SERAC1: variants seen among roughly 807,000 people sequenced by gnomAD.
The protein encoded by SERAC1 is protein SERAC1.
Under a neutral mutation model 85.7 loss-of-function variants are expected in SERAC1, and 36 were observed. The observed-to-expected ratio is 0.42, with a 90% CI of 0.32 to 0.55. SERAC1 has a LOEUF of 0.55. Ranked by LOEUF, SERAC1 falls within the 20% of genes least tolerant of loss-of-function variation. The pLI is 0.11. For missense variants in SERAC1, 629 were observed against 796.2 expected (o/e 0.79, Z 2.53); for synonymous variants, 242 against 265.3 (o/e 0.91, Z 0.85).
rs1784385484 is a variant in SERAC1 at position 158,120,142 on chromosome 6, T to C, written c.1166+283A>G. 6.6e-6 allele frequency among the ~76,000 whole-genome samples: 1 copy of C among 152,200 alleles called. No homozygotes were observed. On this transcript the variant is annotated intron_variant, in intron 11 of 16. Transcript: ENST00000647468. This position sits in a 1 kb window ranked among gnomAD's most constrained non-coding sequence, Gnocchi z 4.4. ...AAAATGCCTTGAACCAAAGGAGATA[T>C]GTATTACAAAGTTTAAGTGTGACGC...
In SERAC1 at chr6:158,117,629, G is replaced by A; in HGVS notation, c.1403+98C>T. The A allele has an allele frequency of 1.3e-6, 2 of 1,589,288 alleles. No homozygotes were observed. The highest frequency in any genetic ancestry group is 8.6e-7 in the Non-Finnish European group (1 of 1,165,836). On this transcript the variant is annotated intron_variant, in intron 13 of 16. Transcript: ENST00000647468. This position sits in a 1 kb window ranked among gnomAD's most constrained non-coding sequence, Gnocchi z 4.3. ...TGTTCTTCATAAGAAAATCCTGTCT[G>A]TGGCATCAAAAAATTAAAATCACTT...
At chr6:158,160,936 G>C (rs1286773370) in intron 1 of SERAC1, 1 of 151,976 alleles carries the variant, frequency 6.6e-6, no homozygotes, top group Admixed American at 6.6e-5. Flanking sequence ...CCTTACTTTT[G>C]TTTCTTGCAT....
intron 2 of SERAC1, 88 bp downstream of exon 2, chr6:158,158,185 C>G (rs1785401849): frequency 2.1e-6 from 2 of 941,638 alleles, no homozygotes; most frequent in South Asian, 1.6e-5. Flanking sequence ...ATCATGGGTT[C>G]AAAAAGTTTT....
Position 158,144,353 on chromosome 6 carries a change from T to G in SERAC1, c.555A>C (p.Glu185Asp). 1 of 1,613,704 alleles carries G rather than the reference T, an allele frequency of 6.2e-7. No homozygotes were observed. The highest frequency in any genetic ancestry group is 1.1e-5 in the South Asian group (1 of 91,028). ...GGAGAAAAAAGCGAAGATCACTCTC[T>G]TCGCTTCGTGCCAAACCAATAAGAG... Reference protein sequence around the residue: ...PKTLIGLARSEESDLRFFLLP... With the variant: ...PKTLIGLARSDESDLRFFLLP... Residue 185 changes from glutamate (E) to aspartate (D), a missense_variant, in exon 7 of 17, where the codon GAA becomes GAC. Coordinates refer to ENST00000647468, the MANE Select transcript of SERAC1 (RefSeq NM_032861.4).
chr6:158,167,223 TAAAA>T (rs34350104), intron 1 of SERAC1, among the ~76,000 whole-genome samples: 1,685 of 101,810 alleles, frequency 0.017, 48 homozygotes, highest in African/African-American at 0.054. Context: ...CACACGATGT[TAAAA>T]AAAAAAAAAA....
intron 3 of SERAC1, among the ~76,000 whole-genome samples, chr6:158,151,624 G>A (rs1401528487): frequency 4.0e-5 from 6 of 151,864 alleles, no homozygotes; most frequent in Admixed American, 1.3e-4. Flanking sequence ...ATGGGGTTTC[G>A]CCATGTTAGC....
At position 158,111,224 on chromosome 6, in the gene SERAC1, G is replaced by T; in HGVS notation, c.*142C>A. ...TTACAGCGCTTGAAGGGAGAACAAT[G>T]TTCTGTAGTCTGCAACACACTCCAG... On this transcript the variant is annotated 3_prime_UTR_variant, in exon 17 of 17. Coordinates refer to ENST00000647468, the MANE Select transcript of SERAC1 (RefSeq NM_032861.4). 3 of 775,888 alleles carry T rather than the reference G, an allele frequency of 3.9e-6. No homozygotes were observed. Among genetic ancestry groups the T allele is most frequent in the Non-Finnish European group, 5.9e-6 (3 of 510,272 alleles). The allele number at this position is 775,888 out of a possible 1,614,324, so 48.1% of individuals were successfully genotyped here.
rs192726550 is a variant in SERAC1, at chr6:158,113,259, G to A, written c.1828+190C>T. 5.2e-5 allele frequency: 28 copies of A among 542,508 alleles called. No homozygotes were observed. The Admixed American group carries it at 6.8e-4, about 13-fold the overall frequency. The allele number at this position is 542,508 out of a possible 1,614,324, so 33.6% of individuals were successfully genotyped here. On this transcript the variant is annotated intron_variant, in intron 16 of 16. Coordinates refer to ENST00000647468, the MANE Select transcript of SERAC1 (RefSeq NM_032861.4). ...ATCAGTTACATAAAGGGCAGGGAGA[G>A]GTAATACCCGGGTTATATGTTTACA...
rs1380283050 is a variant in SERAC1 at position 158,167,266 on chromosome 6, C to A, written c.-2+874G>T. ...AAAAAAGGCAGCATGAGGTCGGGCG[C>A]GGTGGCTCACACCTGTAATCGCAGC... On this transcript the variant is annotated intron_variant, in intron 1 of 16. Coordinates refer to ENST00000647468, the MANE Select transcript of SERAC1 (RefSeq NM_032861.4). Among the ~76,000 whole-genome samples the A allele has an allele frequency of 4.2e-5, 6 of 141,304 alleles. No individual in the cohort carries two copies. The South Asian group carries it at 1.4e-3, about 32-fold the overall frequency. The allele number at this position is 141,304 out of a possible 152,430, so 92.7% of individuals were successfully genotyped here.
rs1562453894 is a variant in SERAC1, at chr6:158,148,366, A to G, written c.355+499T>C. ...TATTTTATCTCCATATTTATTCACA[A>G]TTACCTAAGGAAGGAAGAAAATTGT... On this transcript the variant is annotated intron_variant, in intron 5 of 16. Transcript: ENST00000647468. Among the ~76,000 whole-genome samples the G allele has an allele frequency of 2.0e-5, 3 of 152,210 alleles. No individual in the cohort carries two copies. The South Asian group carries it at 6.2e-4, about 32-fold the overall frequency.
intron 1 of SERAC1, among the ~76,000 whole-genome samples, chr6:158,164,234 G>A (rs945004470): frequency 5.3e-5 from 8 of 151,852 alleles, no homozygotes; most frequent in African/African-American, 1.9e-4. Flanking sequence ...CCAGCACTTT[G>A]GGAGGCCGAG....
At chr6:158,165,179 A>G (rs1785568501) in intron 1 of SERAC1, among the ~76,000 whole-genome samples, 1 of 151,516 alleles carries the variant, frequency 6.6e-6, no homozygotes, top group African/African-American at 2.4e-5. Flanking sequence ...TTTGAGACAG[A>G]GTCTCTCACT....
At chr6:158,158,428 C>G in intron 1 of SERAC1, 64 bp from the exon 2 acceptor site, 4 of 1,234,992 alleles carry the variant, frequency 3.2e-6, no homozygotes, top group Non-Finnish European at 4.7e-6. Context: ...CTTGTTTTAA[C>G]TACAAGAACA....
intron 12 of SERAC1, among the ~76,000 whole-genome samples, chr6:158,118,043 A>G (rs1784333568): frequency 6.6e-6 from 1 of 152,240 alleles, no homozygotes; most frequent in Admixed American, 6.5e-5. Flanking sequence ...TGAAGGTTTC[A>G]AGAGAATATT....
At chr6:158,115,046 C>CCAAA in intron 14 of SERAC1, 75 bp from the exon 15 acceptor site, 1 of 1,439,664 alleles carries the variant, frequency 6.9e-7, no homozygotes, top group Non-Finnish European at 9.4e-7. Context: ...AAAGAAAAGG[C>CCAAA]CAAACAAGAA....
At chr6:158,166,180 A>C (rs1785593790) in intron 1 of SERAC1, 1 of 152,230 alleles carries the variant, frequency 6.6e-6, no homozygotes, top group African/African-American at 2.4e-5. Context: ...TGAAAGTAAG[A>C]ATCTAATCCT....
chr6:158,162,790 T>C (rs1001623154), intron 1 of SERAC1, among the ~76,000 whole-genome samples: 1 of 152,224 alleles, frequency 6.6e-6, no homozygotes, highest in African/African-American at 2.4e-5. Context: ...CTCACTTTCA[T>C]ACTTGCCTGC....
chr6:158,134,834 CT>C (rs1232126253), intron 8 of SERAC1, among the ~76,000 whole-genome samples: 2 of 151,988 alleles, frequency 1.3e-5, no homozygotes, highest in Non-Finnish European at 2.9e-5. Flanking sequence ...GTATCTCCTC[CT>C]CCTAAAATCG....
At position 158,116,269 on chromosome 6, in the gene SERAC1, A is replaced by G; in HGVS notation, c.1417T>C (p.Phe473Leu). ...TTCCTAAGAAGTTCGTTGCTTCTGA[A>G]TGCAATGGACTTTCTGAACAAAACA... The part of the protein sequence containing the change: ...RCPMERKSIA[F>L]RSNELLRKLR... Residue 473 changes from phenylalanine to leucine, a missense_variant, in exon 14 of 17, where the codon TTC becomes CTC. By Grantham distance (22) the Phe-to-Leu change is conservative (BLOSUM62 0). Coordinates refer to ENST00000647468, the MANE Select transcript of SERAC1 (RefSeq NM_032861.4). 6.2e-7 allele frequency: 1 copy of G among 1,614,062 alleles called. No individual in the cohort carries two copies. The highest frequency in any genetic ancestry group is 8.5e-7 in the Non-Finnish European group (1 of 1,179,926).
Sources: allele counts gnomAD v4.1 joint callset (sites outside exome capture counted in the v4.1 genomes callset), GRCh38; gene constraint gnomAD v4.1.1; non-coding constraint Gnocchi (gnomAD v3.1); transcripts MANE v1.5; gene names NCBI Gene and HGNC (gene_info 2026-07-23, HGNC 2026-07-21).